The following GMDS variants were observed in gnomAD, a reference collection of about 807,000 sequenced individuals.
The protein encoded by GMDS is GDP-mannose 4,6-dehydratase, also known as GDP-mannose 4,6 dehydratase.
Under a neutral mutation model 49.9 loss-of-function variants are expected in GMDS, and 20 were observed. That is an observed-to-expected ratio of 0.40 (90% CI 0.28 to 0.58). GMDS has a LOEUF of 0.58. GMDS is among the 20% of genes least tolerant of loss of function. The pLI, the probability that GMDS is intolerant of heterozygous loss-of-function variation, is 0.42. For missense variants in GMDS, 362 were observed against 481.4 expected (o/e 0.75, Z 2.32); for synonymous variants, 177 against 178.6 (o/e 0.99, Z 0.07).
At chr6:2,058,575 C>T (rs1324388147) in intron 4 of GMDS, among the ~76,000 whole-genome samples, 1 of 151,986 alleles carries the variant, frequency 6.6e-6, no homozygotes, top group Admixed American at 6.6e-5. Context: ...TCCATATAAC[C>T]CAAGATGTTC....
chr6:2,134,828 C>A (rs967451266), intron 1 of GMDS, among the ~76,000 whole-genome samples: 14 of 152,208 alleles, frequency 9.2e-5, no homozygotes, highest in Non-Finnish European at 1.5e-4. Context: ...AACATACATT[C>A]TTCAACCTTA....
chr6:1,875,317 T>TACACACACACAC (rs56053544), intron 7 of GMDS, among the ~76,000 whole-genome samples: 86 of 150,012 alleles, frequency 5.7e-4, no homozygotes, highest in Non-Finnish European at 1.1e-3. Context: ...TTTTTGTATT[T>TACACACACACAC]ACACACACAC....
At chr6:2,004,707 C>T (rs1182130563) in intron 4 of GMDS, among the ~76,000 whole-genome samples, 1 of 152,118 alleles carries the variant, frequency 6.6e-6, no homozygotes, top group Non-Finnish European at 1.5e-5. Context: ...AAATCCTGAA[C>T]ACTTCATCCA....
At chr6:1,761,121 A>G (rs896090196) in intron 7 of GMDS, among the ~76,000 whole-genome samples, 1 of 152,174 alleles carries the variant, frequency 6.6e-6, no homozygotes, top group African/African-American at 2.4e-5. Flanking sequence ...ATGACTGAAA[A>G]TTAAACAAAA....
At chr6:1,857,224 T>C (rs1157171081) in intron 7 of GMDS, among the ~76,000 whole-genome samples, 2 of 152,196 alleles carry the variant, frequency 1.3e-5, no homozygotes, top group South Asian at 2.1e-4. Context: ...ACATTCCTTG[T>C]TGTAGTGAAC....
intron 4 of GMDS, among the ~76,000 whole-genome samples, chr6:2,106,032 T>G (rs941304949): frequency 6.6e-6 from 1 of 152,220 alleles, no homozygotes; most frequent in African/African-American, 2.4e-5. Flanking sequence ...ATGTGCGGTT[T>G]CTTATAAATA....
At chr6:2,119,705 C>A (rs1775038964) in intron 2 of GMDS, among the ~76,000 whole-genome samples, 1 of 152,080 alleles carries the variant, frequency 6.6e-6, no homozygotes, top group Non-Finnish European at 1.5e-5. Context: ...AGGAACCAAA[C>A]TGAAAAGATA....
At chr6:2,056,968 T>C (rs2127442814) in intron 4 of GMDS, among the ~76,000 whole-genome samples, 1 of 152,372 alleles carries the variant, frequency 6.6e-6, no homozygotes, top group South Asian at 2.1e-4. Flanking sequence ...TTTCCATTTC[T>C]GTATAAATAC....
chr6:1,993,281 G>A (rs1188616063), intron 4 of GMDS, among the ~76,000 whole-genome samples: 3 of 152,044 alleles, frequency 2.0e-5, no homozygotes, highest in Middle Eastern at 3.2e-3. Context: ...GTCATGTGGG[G>A]GAATTCCTGA....
chr6:1,655,382 T>C (rs1228535094), intron 9 of GMDS, among the ~76,000 whole-genome samples: 1 of 152,166 alleles, frequency 6.6e-6, no homozygotes, highest in African/African-American at 2.4e-5. Context: ...TATTTCATAT[T>C]GCACTGACAT....
intron 9 of GMDS, among the ~76,000 whole-genome samples, chr6:1,691,359 G>A (rs944065994): frequency 7.2e-5 from 11 of 152,186 alleles, no homozygotes; most frequent in African/African-American, 2.6e-4. Flanking sequence ...CCTGTTGCGG[G>A]GGGTGTGGGG....
chr6:1,726,472 C>T lies in GMDS; in HGVS notation c.931G>A (p.Glu311Lys), dbSNP rs1439927358. ...ACAGTCACGTGAACTTTGCCGGTCTCTTTACATCTGCCCACTTCATTTTCA... is the reference window on the plus strand; with the variant it reads ...ACAGTCACGTGAACTTTGCCGGTCTTTTTACATCTGCCCACTTCATTTTCA... ...KNENEVGRCK[E>K]TGKVHVTVDL... is the part of the protein sequence containing the mutation. Residue 311 changes from glutamate (E) to lysine (K), a missense_variant, in exon 9 of 11, where the codon GAG becomes AAG. Physicochemically the swap from Glu to Lys is moderately conservative, Grantham distance 56. Coordinates refer to ENST00000380815, the MANE Select transcript of GMDS (RefSeq NM_001500.4). 6.2e-7 allele frequency: 1 copy of T among 1,613,810 alleles called. No homozygotes were observed. The highest frequency in any genetic ancestry group is 8.5e-7 in the Non-Finnish European group (1 of 1,179,646).
chr6:2,017,312 T>C (rs905175331), intron 4 of GMDS, among the ~76,000 whole-genome samples: 2 of 150,812 alleles, frequency 1.3e-5, no homozygotes, highest in Non-Finnish European at 1.5e-5. Flanking sequence ...TCTTTTTATT[T>C]TTTTTTTTCC....
intron 9 of GMDS, among the ~76,000 whole-genome samples, chr6:1,665,879 T>C (rs1270762813): frequency 1.3e-5 from 2 of 152,188 alleles, no homozygotes; most frequent in East Asian, 3.8e-4. Flanking sequence ...AAGAACTACT[T>C]TCTAAATATC....
chr6:1,935,753 G>A (rs543311886), intron 6 of GMDS, among the ~76,000 whole-genome samples: 4 of 152,194 alleles, frequency 2.6e-5, no homozygotes, highest in Non-Finnish European at 4.4e-5. Flanking sequence ...CTAAACACTC[G>A]TTGGATTGAG....
chr6:2,048,350 C>T (rs4959630), intron 4 of GMDS, among the ~76,000 whole-genome samples: 64,157 of 151,966 alleles, frequency 0.42, 13,652 homozygotes, highest in Middle Eastern at 0.48. Flanking sequence ...TAAGTCCTTC[C>T]CAAGGCACTA....
At chr6:2,029,009 T>TA (rs1324283810) in intron 4 of GMDS, among the ~76,000 whole-genome samples, 12 of 151,514 alleles carry the variant, frequency 7.9e-5, no homozygotes, top group Admixed American at 6.6e-4. Context: ...CTTTTTTTTT[T>TA]AACCAGAGGG....
At chr6:1,861,847 C>T (rs1167919479) in intron 7 of GMDS, among the ~76,000 whole-genome samples, 1 of 152,142 alleles carries the variant, frequency 6.6e-6, no homozygotes, top group Non-Finnish European at 1.5e-5. Flanking sequence ...TTTCGGACTT[C>T]ACCTCTGAAA....
At chr6:1,749,529 G>A (rs1213306301) in intron 7 of GMDS, among the ~76,000 whole-genome samples, 1 of 151,958 alleles carries the variant, frequency 6.6e-6, no homozygotes, top group Non-Finnish European at 1.5e-5. Flanking sequence ...GGAGGCGGAG[G>A]TGGCAGTGAG....
Sources: gnomAD v4.1 joint callset for allele counts (sites outside exome capture counted in the v4.1 genomes callset) on GRCh38, gnomAD v4.1.1 for gene constraint, MANE v1.5 for transcripts, NCBI Gene and HGNC (gene_info 2026-07-23, HGNC 2026-07-21) for gene names.